MCF2L2: variants seen among roughly 807,000 people sequenced by gnomAD.
MCF2L2 encodes probable guanine nucleotide exchange factor MCF2L2.
Under a neutral mutation model 150.2 loss-of-function variants are expected in MCF2L2, and 102 were observed. The observed-to-expected ratio is 0.68, with a 90% CI of 0.58 to 0.80. MCF2L2 has a LOEUF of 0.80. MCF2L2 is among the 30% of genes least tolerant of loss of function. MCF2L2 has a pLI of 0.00. For missense variants in MCF2L2, 1,256 were observed against 1,372.8 expected (o/e 0.91, Z 1.34); for synonymous variants, 465 against 491.3 (o/e 0.95, Z 0.71).
intron 18 of MCF2L2, chr3:183,228,046 C>CACACACACACACACA (rs1315557246): frequency 6.6e-6 from 3 of 457,650 alleles, no homozygotes; most frequent in African/African-American, 4.0e-5. Context: ...CACACACACA[C>CACACACACACACACA]AATGGTAATG....
At chr3:183,327,905 T>C (rs993650706) in intron 5 of MCF2L2, among the ~76,000 whole-genome samples, 4 of 152,310 alleles carry the variant, frequency 2.6e-5, no homozygotes, top group Non-Finnish European at 5.9e-5. Flanking sequence ...TAGGAGTATC[T>C]TGTATTATTT....
intron 1 of MCF2L2, among the ~76,000 whole-genome samples, chr3:183,417,526 C>T (rs2314381): frequency 0.1 from 15,350 of 152,184 alleles, 833 homozygotes; most frequent in African/African-American, 0.15. Context: ...ATTATCTTTA[C>T]TGATGCTCTT....
At chr3:183,291,516 G>A (rs1235352796) in intron 13 of MCF2L2, among the ~76,000 whole-genome samples, 1 of 152,214 alleles carries the variant, frequency 6.6e-6, no homozygotes, top group Non-Finnish European at 1.5e-5. Context: ...ATGAACTTCA[G>A]AGGTGTTAGA....
intron 5 of MCF2L2, among the ~76,000 whole-genome samples, chr3:183,333,826 A>C (rs1462279761): frequency 1.3e-5 from 2 of 152,204 alleles, no homozygotes; most frequent in Non-Finnish European, 2.9e-5. Context: ...TCTTGCATCC[A>C]GATCTTGGAC....
At chr3:183,378,604 C>T (rs1430285700) in intron 3 of MCF2L2, 1 of 152,188 alleles carries the variant, frequency 6.6e-6, no homozygotes, top group Non-Finnish European at 1.5e-5. Context: ...TGACAACAAT[C>T]TGCCCCTAAT....
chr3:183,312,500 G>A (rs1026476259), intron 7 of MCF2L2, among the ~76,000 whole-genome samples: 3 of 152,202 alleles, frequency 2.0e-5, no homozygotes, highest in Admixed American at 1.3e-4. Flanking sequence ...AAGTGGCAGA[G>A]CCTGACCTAG....
intron 10 of MCF2L2, among the ~76,000 whole-genome samples, chr3:183,306,534 T>C (rs774487538): frequency 9.2e-5 from 14 of 152,144 alleles, no homozygotes; most frequent in Non-Finnish European, 2.1e-4. Context: ...GAGTGCCTAC[T>C]AGGGAAGAAA....
chr3:183,426,325 C>T (rs1716161518), intron 1 of MCF2L2, among the ~76,000 whole-genome samples: 1 of 152,150 alleles, frequency 6.6e-6, no homozygotes, highest in African/African-American at 2.4e-5. Flanking sequence ...GTCAACCCCT[C>T]GTTTAACAGA....
intron 15 of MCF2L2, among the ~76,000 whole-genome samples, chr3:183,231,694 AG>A (rs1241446709): frequency 1.3e-5 from 2 of 151,866 alleles, no homozygotes; most frequent in South Asian, 4.2e-4. Flanking sequence ...GCTACTTTCA[AG>A]CAATCCTCCT....
intron 14 of MCF2L2, chr3:183,287,774 C>T (rs1375967427): frequency 6.6e-6 from 1 of 152,208 alleles, no homozygotes; most frequent in African/African-American, 2.4e-5. Flanking sequence ...CTTTCTCTCT[C>T]TCTAAGAAAA....
intron 15 of MCF2L2, among the ~76,000 whole-genome samples, chr3:183,266,856 G>A (rs1056474121): frequency 2.0e-5 from 3 of 150,748 alleles, no homozygotes; most frequent in East Asian, 1.9e-4. Context: ...GCACGATCTC[G>A]GCTCATTGCA....
chr3:183,193,159 A>G, intron 26 of MCF2L2, 63 bp from the exon 27 acceptor site: 2 of 1,386,674 alleles, frequency 1.4e-6, no homozygotes, highest in Non-Finnish European at 2.0e-6. Context: ...TCCCTCCCCC[A>G]CCAGTTGGAG....
chr3:183,370,452 C>T (rs1712803396), intron 3 of MCF2L2, among the ~76,000 whole-genome samples: 1 of 152,232 alleles, frequency 6.6e-6, no homozygotes, highest in Non-Finnish European at 1.5e-5. Flanking sequence ...AGACCAAATT[C>T]CAGATGTTTA....
At chr3:183,289,314 T>C in intron 13 of MCF2L2, 94 bp from the exon 14 acceptor site, 4 of 788,786 alleles carry the variant, frequency 5.1e-6, no homozygotes, top group African/African-American at 1.7e-5. Flanking sequence ...ACCACGTCAA[T>C]GTGGCTAACT....
chr3:183,355,613 A>ATTTTTTTTTTTTTTTTTTT (rs71185653), intron 3 of MCF2L2, among the ~76,000 whole-genome samples: 3 of 84,454 alleles, frequency 3.6e-5, no homozygotes, highest in African/African-American at 5.5e-5. Flanking sequence ...CGCCCAGCTA[A>ATTTTTTTTTTTTTTTTTTT]TTTTTTTTTT....
In MCF2L2 at chr3:183,405,935, G is replaced by A. The variant is rs549946943; in HGVS notation, c.77-16156C>T. On this transcript the variant is annotated intron_variant, in intron 1 of 29. Coordinates refer to ENST00000328913, the MANE Select transcript of MCF2L2 (RefSeq NM_015078.4). ...TTTACCATGCTGGCCAGGCTGTCTC[G>A]AACTCCTGACCTTAAGTGATCTGCC... Among the ~76,000 whole-genome samples the A allele has an allele frequency of 3.9e-5, 6 of 152,140 alleles. No individual in the cohort carries two copies. In the East Asian group the frequency reaches 9.7e-4, roughly 24 times the overall value.
At chr3:183,293,801 T>C (rs1673091232) in intron 13 of MCF2L2, among the ~76,000 whole-genome samples, 1 of 152,228 alleles carries the variant, frequency 6.6e-6, no homozygotes, top group Admixed American at 6.5e-5. Flanking sequence ...ATGATAGGAT[T>C]ATATTTCTAT....
chr3:183,306,239 C>T (rs1329398364), intron 10 of MCF2L2, among the ~76,000 whole-genome samples: 1 of 152,184 alleles, frequency 6.6e-6, no homozygotes, highest in African/African-American at 2.4e-5. Flanking sequence ...CTGGTGCCTG[C>T]AAAGAAATTT....
intron 15 of MCF2L2, among the ~76,000 whole-genome samples, chr3:183,257,203 C>T (rs1241829827): frequency 6.6e-6 from 1 of 152,202 alleles, no homozygotes; most frequent in East Asian, 1.9e-4. Context: ...CCTGAGAAAA[C>T]ACTGGTACAT....
Sources: gnomAD v4.1 joint callset for allele counts (sites outside exome capture counted in the v4.1 genomes callset) on GRCh38, gnomAD v4.1.1 for gene constraint, MANE v1.5 for transcripts, NCBI Gene and HGNC (gene_info 2026-07-23, HGNC 2026-07-21) for gene names.